KLHL32: variants seen among roughly 807,000 people sequenced by gnomAD.
KLHL32 encodes kelch-like protein 32.
Under a neutral mutation model 64.8 loss-of-function variants are expected in KLHL32, and 35 were observed. That is an observed-to-expected ratio of 0.54 (90% CI 0.41 to 0.72). The LOEUF (loss-of-function observed/expected upper bound fraction) is 0.72. Ranked by LOEUF, KLHL32 falls within the 30% of genes least tolerant of loss-of-function variation. The probability of loss-of-function intolerance (pLI) is 0.00; values close to 1 mark genes in which losing one functional copy is unlikely to be tolerated. For synonymous variants in KLHL32, 259 were observed against 281.0 expected, an observed-to-expected ratio of 0.92 and a Z score of 0.78; for missense variants, 589 against 768.5, an observed-to-expected ratio of 0.77 and a Z score of 2.76.
upstream of KLHL32, among the ~76,000 whole-genome samples, chr6:96,921,331 T>A (rs1357894909): frequency 6.6e-6 from 1 of 152,186 alleles, no homozygotes; most frequent in Admixed American, 6.5e-5. Context: ...AATGTAAACA[T>A]GAAATAGTTT....
chr6:96,972,638 G>T (rs1775240576), intron 2 of KLHL32, among the ~76,000 whole-genome samples: 1 of 152,136 alleles, frequency 6.6e-6, no homozygotes. Context: ...GAGAAATATG[G>T]TTCTTGCTTT....
chr6:96,941,302 T>A (rs1341408859), intron 1 of KLHL32, among the ~76,000 whole-genome samples: 1 of 152,230 alleles, frequency 6.6e-6, no homozygotes, highest in Non-Finnish European at 1.5e-5. Flanking sequence ...TCAAAAATAT[T>A]AACTTTGAGA....
intron 4 of KLHL32, among the ~76,000 whole-genome samples, chr6:97,051,478 A>G (rs1411206945): frequency 6.6e-6 from 1 of 152,220 alleles, no homozygotes; most frequent in Non-Finnish European, 1.5e-5. Context: ...CAACCCTCCT[A>G]GTTAACTCAG....
At chr6:97,071,120 G>A (rs751678068) in intron 5 of KLHL32, among the ~76,000 whole-genome samples, 6 of 151,856 alleles carry the variant, frequency 4.0e-5, no homozygotes, top group East Asian at 1.9e-4. Flanking sequence ...TCTCATTACC[G>A]CAGCTGCTCC....
chr6:97,001,581 C>T (rs1779039857), intron 3 of KLHL32, among the ~76,000 whole-genome samples: 1 of 152,174 alleles, frequency 6.6e-6, no homozygotes, highest in African/African-American at 2.4e-5. Context: ...GATCCTCACA[C>T]CTCAGCCTCA....
chr6:97,123,777 G>A (rs1798610988), intron 7 of KLHL32, among the ~76,000 whole-genome samples: 1 of 152,162 alleles, frequency 6.6e-6, no homozygotes, highest in African/African-American at 2.4e-5. Context: ...CTTTGCAAGT[G>A]CTTTGATTGC....
At chr6:97,009,552 A>G (rs1276453944) in intron 3 of KLHL32, among the ~76,000 whole-genome samples, 1 of 152,214 alleles carries the variant, frequency 6.6e-6, no homozygotes, top group East Asian at 1.9e-4. Context: ...GGAAAAATGC[A>G]TGCGAGATGT....
chr6:96,937,026 A>G (rs982519259), intron 1 of KLHL32, among the ~76,000 whole-genome samples: 3 of 151,174 alleles, frequency 2.0e-5, no homozygotes, highest in African/African-American at 7.3e-5. Flanking sequence ...CTTACCCTGT[A>G]TTTTTTTCCC....
At chr6:96,993,670 C>G (rs1201392285) in intron 3 of KLHL32, among the ~76,000 whole-genome samples, 1 of 152,138 alleles carries the variant, frequency 6.6e-6, no homozygotes, top group Admixed American at 6.5e-5. Context: ...TACTTGCAAG[C>G]TAACTAGTCA....
Position 97,085,233 on chromosome 6 carries a change from A to T in KLHL32, c.519A>T (p.Glu173Asp), listed in dbSNP as rs761390885. 1.2e-5 allele frequency: 19 copies of T among 1,613,774 alleles called. No individual in the cohort carries two copies. Among genetic ancestry groups the T allele is most frequent in the Non-Finnish European group, 1.5e-5 (18 of 1,180,012 alleles). ...VIDFLVKHLS[E>D]LLKSRPEEVL... Reference sequence around the variant, plus strand: ...ATTTCTTAGTGAAACATCTCTCTGAACTCCTGAAGAGCCGCCCAGAAGAAG... The same window carrying T: ...ATTTCTTAGTGAAACATCTCTCTGATCTCCTGAAGAGCCGCCCAGAAGAAG... Residue 173 changes from glutamate (E) to aspartate (D), a missense_variant, in exon 6 of 11, where the codon GAA becomes GAT. Coordinates refer to ENST00000369261, the MANE Select transcript of KLHL32 (RefSeq NM_052904.4).
intron 6 of KLHL32, among the ~76,000 whole-genome samples, chr6:97,097,080 A>G (rs1795087510): frequency 6.6e-6 from 1 of 152,224 alleles, no homozygotes; most frequent in Admixed American, 6.5e-5. Flanking sequence ...AGAACTCATA[A>G]TAAGTCAAAC....
At chr6:96,924,414 G>C (rs1430518116), upstream of KLHL32, among the ~76,000 whole-genome samples, 10 of 150,738 alleles carry the variant, frequency 6.6e-5, no homozygotes, top group African/African-American at 2.4e-4. Flanking sequence ...GGAGGGCGGC[G>C]TGGAGGAGGG....
intron 1 of KLHL32, among the ~76,000 whole-genome samples, chr6:96,957,798 G>C (rs1281454905): frequency 1.3e-5 from 2 of 152,142 alleles, no homozygotes; most frequent in Non-Finnish European, 2.9e-5. Flanking sequence ...GTATTCATGA[G>C]GGTGACTAGA....
chr6:96,982,383 C>A (rs906637566), intron 3 of KLHL32, among the ~76,000 whole-genome samples: 1 of 151,982 alleles, frequency 6.6e-6, no homozygotes, highest in African/African-American at 2.4e-5. Flanking sequence ...CTGCTTTTTT[C>A]CATTTTCTGT....
intron 6 of KLHL32, among the ~76,000 whole-genome samples, chr6:97,090,559 GAC>G (rs1252352683): frequency 2.6e-5 from 4 of 152,218 alleles, no homozygotes; most frequent in African/African-American, 9.6e-5. Context: ...GAAAGTAGAA[GAC>G]ACTGGTGATG....
intron 4 of KLHL32, among the ~76,000 whole-genome samples, chr6:97,058,189 C>T (rs1417131786): frequency 1.3e-5 from 2 of 152,126 alleles, no homozygotes; most frequent in African/African-American, 4.8e-5. Flanking sequence ...AGTCCTCCAA[C>T]TTTGTTCTCC....
At chr6:97,034,919 C>T (rs559974897) in intron 3 of KLHL32, among the ~76,000 whole-genome samples, 4 of 152,116 alleles carry the variant, frequency 2.6e-5, no homozygotes, top group South Asian at 2.1e-4. Context: ...GGGTTTCCTA[C>T]GTATATAATC....
At chr6:97,135,284 C>T (rs371706134) in intron 10 of KLHL32, among the ~76,000 whole-genome samples, 3 of 149,882 alleles carry the variant, frequency 2.0e-5, no homozygotes, top group East Asian at 2.0e-4. Flanking sequence ...CTACAAAGCA[C>T]AGACAAATTT....
At chr6:97,125,449 T>C (rs938599464) in intron 7 of KLHL32, among the ~76,000 whole-genome samples, 4 of 152,216 alleles carry the variant, frequency 2.6e-5, no homozygotes, top group African/African-American at 9.6e-5. Context: ...GAAGACTTTA[T>C]TCAAGACTAT....
Sources: allele counts gnomAD v4.1 joint callset (sites outside exome capture counted in the v4.1 genomes callset), GRCh38; gene constraint gnomAD v4.1.1; transcripts MANE v1.5; gene names NCBI Gene and HGNC (gene_info 2026-07-23, HGNC 2026-07-21).